The following TMIGD3 variants were observed in gnomAD, a reference collection of about 807,000 sequenced individuals.
TMIGD3 encodes AD026 protein (AD026).
A neutral mutation model predicts 28.1 loss-of-function variants in TMIGD3; 21 were observed. The observed-to-expected ratio is 0.75, with a 90% confidence interval of 0.53 to 1.08. The LOEUF is 1.08. Among genes scored for constraint, TMIGD3 ranks in the 50% least tolerant of loss-of-function variants. The pLI is 0.00. For synonymous variants in TMIGD3, 151 were observed against 162.1 expected (o/e 0.93, Z 0.52); for missense variants, 416 against 435.6 (o/e 0.96, Z 0.40).
At chr1:111,559,849 T>C (rs1336647837) in intron 1 of TMIGD3, among the ~76,000 whole-genome samples, 1 of 152,184 alleles carries the variant, frequency 6.6e-6, no homozygotes, top group Non-Finnish European at 1.5e-5. Context: ...TGAGTGTTAC[T>C]GTGAAATCAA....
chr1:111,494,623 A>T (rs1017466603), intron 1 of TMIGD3, among the ~76,000 whole-genome samples: 2 of 152,216 alleles, frequency 1.3e-5, no homozygotes, highest in African/African-American at 4.8e-5. Flanking sequence ...TTACAGATTC[A>T]ATGTGATTCC....
At chr1:111,489,728 G>A (rs932316042) in intron 2 of TMIGD3, 1 of 1,052,816 alleles carries the variant, frequency 9.5e-7, no homozygotes, top group Admixed American at 5.1e-5. Flanking sequence ...AGAAAGTGAT[G>A]TTTGGAGGCT....
At position 111,502,968 on chromosome 1, in the gene TMIGD3, C is replaced by T. The variant is rs747088329; in HGVS notation, c.350+37G>A. 4 of 1,602,258 alleles carry T rather than the reference C, an allele frequency of 2.5e-6. No individual in the cohort carries two copies. In the East Asian group the frequency reaches 8.9e-5, roughly 36 times the overall value. ...TGGGCTTTGTAGCCTCATTTCCCAG[C>T]TGCCTCAATTGCTGCCCACCCCACG... On this transcript the variant is annotated intron_variant, in intron 1 of 5. Coordinates refer to ENST00000369716, the MANE Select transcript of TMIGD3 (RefSeq NM_020683.7).
intron 1 of TMIGD3, among the ~76,000 whole-genome samples, chr1:111,527,250 G>C (rs1398069752): frequency 6.6e-6 from 1 of 152,098 alleles, no homozygotes; most frequent in African/African-American, 2.4e-5. Context: ...GACCTCAAGT[G>C]ATCTGCCTGC....
chr1:111,499,636 A>C, intron 1 of TMIGD3: 1 of 1,136,850 alleles, frequency 8.8e-7, no homozygotes, highest in Non-Finnish European at 1.1e-6. Flanking sequence ...CAGTAAGTCA[A>C]CTAGGCACCC....
chr1:111,503,162 C>A lies in TMIGD3; in HGVS notation c.193G>T (p.Val65Phe). The change falls in exon 1 of 6, where the codon GTC becomes TTC. Residue 65 changes from valine to phenylalanine, a missense_variant. Val to Phe is a conservative substitution (Grantham distance 50). Transcript: ENST00000369716. ...CTGACAACAATGGCCAAAGGCATGA[C>A]CAGCACCCCAACAGCAATGTCAGCC... ...ALADIAVGVL[V>F]MPLAIVVSLG... The A allele has an allele frequency of 2.5e-6, 4 of 1,614,232 alleles. No individual in the cohort carries two copies. Among genetic ancestry groups the A allele is most frequent in the Non-Finnish European group, 3.4e-6 (4 of 1,180,034 alleles).
intron 1 of TMIGD3, among the ~76,000 whole-genome samples, chr1:111,534,967 A>G (rs1656591014): frequency 6.6e-6 from 1 of 152,180 alleles, no homozygotes; most frequent in South Asian, 2.1e-4. Flanking sequence ...AGAGACACAA[A>G]AGTTAGGGGA....
At chr1:111,542,595 A>G (rs1656876554) in intron 1 of TMIGD3, 1 of 155,482 alleles carries the variant, frequency 6.4e-6, no homozygotes, top group African/African-American at 2.4e-5. Context: ...CTTACACTGT[A>G]AAGGGAGCAT....
Position 111,488,717 on chromosome 1 carries a change from G to C in TMIGD3, c.765C>G (p.Asp255Glu), listed in dbSNP as rs138531228. 6.2e-7 allele frequency: 1 copy of C among 1,614,084 alleles called. No individual in the cohort carries two copies. Among genetic ancestry groups the C allele is most frequent in the Non-Finnish European group, 8.5e-7 (1 of 1,179,986 alleles). ...AGTCATTGGCCAGGGTTCCTTTGTC[G>C]TCAGTTACAATCAGCTCTGTAAAAT... ...DMDFTELIVT[D>E]DKGTLANDFW... The change falls in exon 3 of 6, where the codon GAC becomes GAG. Residue 255 changes from aspartate (D) to glutamate (E), a missense_variant. By Grantham distance (45) the Asp-to-Glu change is conservative (BLOSUM62 2). Transcript: ENST00000369716.
chr1:111,483,660 T>G lies in TMIGD3; in HGVS notation c.*27A>C. ...TGATTATTCTGTTGTAGCATCACTT[T>G]ATGAACTAAATTAAAAAAATCTTCA... On this transcript the variant is annotated 3_prime_UTR_variant, in exon 6 of 6. Coordinates refer to ENST00000369716, the MANE Select transcript of TMIGD3 (RefSeq NM_020683.7). 1 of 1,568,082 alleles carries G rather than the reference T, an allele frequency of 6.4e-7. No homozygotes were observed. The highest frequency in any genetic ancestry group is 1.4e-5 in the African/African-American group (1 of 73,974).
intron 3 of TMIGD3, among the ~76,000 whole-genome samples, chr1:111,488,302 A>C (rs1042524749): frequency 1.3e-5 from 2 of 151,828 alleles, no homozygotes; most frequent in Admixed American, 6.6e-5. Context: ...GGCTCACTGC[A>C]ACCTCTGCCG....
chr1:111,506,232 A>G (rs1010846917), upstream of TMIGD3, among the ~76,000 whole-genome samples: 1 of 152,170 alleles, frequency 6.6e-6, no homozygotes, highest in Non-Finnish European at 1.5e-5. Context: ...CGCCCCTACT[A>G]TGATGCCTGG....
chr1:111,488,366 A>C (rs1188026472), intron 3 of TMIGD3, among the ~76,000 whole-genome samples: 1 of 152,160 alleles, frequency 6.6e-6, no homozygotes, highest in East Asian at 1.9e-4. Flanking sequence ...AAAGCCTTTC[A>C]ACATAAAGAT....
intron 1 of TMIGD3, among the ~76,000 whole-genome samples, chr1:111,535,761 T>C (rs922196278): frequency 6.6e-6 from 1 of 152,190 alleles, no homozygotes; most frequent in Non-Finnish European, 1.5e-5. Flanking sequence ...CAGACTCACG[T>C]AGAAATGAGT....
intron 2 of TMIGD3, chr1:111,489,737 C>A: frequency 1.9e-6 from 2 of 1,042,746 alleles, no homozygotes; most frequent in South Asian, 3.1e-5. Context: ...TGTTTGGAGG[C>A]TTCTGCTGGC....
chr1:111,540,375 C>T (rs1465055690), intron 1 of TMIGD3, among the ~76,000 whole-genome samples: 1 of 152,214 alleles, frequency 6.6e-6, no homozygotes, highest in Non-Finnish European at 1.5e-5. Flanking sequence ...AGCAGCCAGT[C>T]CTGCAGTTAG....
intron 1 of TMIGD3, among the ~76,000 whole-genome samples, chr1:111,557,090 A>G (rs1299478177): frequency 6.6e-6 from 1 of 151,864 alleles, no homozygotes; most frequent in Non-Finnish European, 1.5e-5. Flanking sequence ...CAGATCTACA[A>G]AGAGAAATGT....
At chr1:111,514,988 A>T (rs911549007) in intron 1 of TMIGD3, among the ~76,000 whole-genome samples, 1 of 152,270 alleles carries the variant, frequency 6.6e-6, no homozygotes, top group Non-Finnish European at 1.5e-5. Context: ...AGCAAAGGGC[A>T]GAGCCCGTCT....
At chr1:111,536,051 T>C (rs1323027293) in intron 1 of TMIGD3, among the ~76,000 whole-genome samples, 2 of 152,092 alleles carry the variant, frequency 1.3e-5, no homozygotes, top group Non-Finnish European at 2.9e-5. Context: ...GTCCAGGAGA[T>C]GTGGCAAAAA....
Sources: allele counts gnomAD v4.1 joint callset (sites outside exome capture counted in the v4.1 genomes callset), GRCh38; gene constraint gnomAD v4.1.1; transcripts MANE v1.5; gene names NCBI Gene and HGNC (gene_info 2026-07-23, HGNC 2026-07-21).